The following GPR158 variants were observed in gnomAD, a reference collection of about 807,000 sequenced individuals.
GPR158 encodes metabotropic glycine receptor.
GPR158 carries 30 observed loss-of-function variants against 78.2 expected under a neutral mutation model. The ratio of observed to expected loss-of-function variants is 0.38; its 90% CI spans 0.29 to 0.52. The LOEUF is 0.52. Ranked by LOEUF, GPR158 falls within the 20% of genes least tolerant of loss-of-function variation. The pLI, the probability that GPR158 is intolerant of heterozygous loss-of-function variation, is 0.83. For missense variants in GPR158, 1,463 were observed against 1,523.5 expected, an observed-to-expected ratio of 0.96 and a Z score of 0.66; for synonymous variants, 581 against 591.1, an observed-to-expected ratio of 0.98 and a Z score of 0.25.
chr10:25,557,012 C>T (rs1020058202), intron 6 of GPR158, among the ~76,000 whole-genome samples: 6 of 152,156 alleles, frequency 3.9e-5, no homozygotes, highest in Admixed American at 3.3e-4. Context: ...ACATTTTTAT[C>T]ATTTTAAATT....
At chr10:25,187,126 G>T (rs963697731) in intron 1 of GPR158, among the ~76,000 whole-genome samples, 1 of 151,786 alleles carries the variant, frequency 6.6e-6, no homozygotes, top group African/African-American at 2.4e-5. Flanking sequence ...CATCACGCCC[G>T]GCTATTTTTT....
At chr10:25,354,208 A>T (rs1056911106) in intron 2 of GPR158, among the ~76,000 whole-genome samples, 1 of 151,954 alleles carries the variant, frequency 6.6e-6, no homozygotes, top group African/African-American at 2.4e-5. Context: ...ACAAAAAATT[A>T]GCCAGGCGTG....
chr10:25,231,294 G>A (rs1444818164), intron 2 of GPR158, among the ~76,000 whole-genome samples: 1 of 152,142 alleles, frequency 6.6e-6, no homozygotes, highest in African/African-American at 2.4e-5. Context: ...GCTGACCTTC[G>A]ATTGCAAATC....
Position 25,599,074 on chromosome 10 carries a change from A to C in GPR158, c.3448A>C (p.Asn1150His). The change falls in exon 11 of 11, where the codon AAT becomes CAT. Residue 1150 changes from asparagine (N) to histidine (H), a missense_variant. Coordinates refer to ENST00000376351, the MANE Select transcript of GPR158 (RefSeq NM_020752.3). ...AAAAAAGACATCTTCTTCTGAGGAG[A>C]ATGTGCGTGGCTCCTATAACTCAAG... is the stretch of plus-strand genomic sequence containing the variant. ...QEKKTSSSEENVRGSYNSSNN... is the reference protein window; with the variant it reads ...QEKKTSSSEEHVRGSYNSSNN... 1 of 1,613,626 alleles carries C rather than the reference A, an allele frequency of 6.2e-7. No individual in the cohort carries two copies. The highest frequency in any genetic ancestry group is 8.5e-7 in the Non-Finnish European group (1 of 1,179,950).
At chr10:25,380,754 C>T (rs767452956) in intron 2 of GPR158, among the ~76,000 whole-genome samples, 29 of 151,962 alleles carry the variant, frequency 1.9e-4, no homozygotes, top group Admixed American at 3.3e-4. Context: ...ATATAAGAAA[C>T]GGATTCAAGG....
chr10:25,554,208 T>C (rs1382839764), intron 6 of GPR158, among the ~76,000 whole-genome samples: 1 of 152,176 alleles, frequency 6.6e-6, no homozygotes, highest in Non-Finnish European at 1.5e-5. Flanking sequence ...CATGTCTTCA[T>C]TTTTATAGGA....
At chr10:25,324,831 C>CTTG (rs1855005765) in intron 2 of GPR158, among the ~76,000 whole-genome samples, 5 of 125,390 alleles carry the variant, frequency 4.0e-5, no homozygotes, top group Admixed American at 3.4e-4. Flanking sequence ...TTTTTTCTTT[C>CTTG]TTTTTTTTTT....
intron 2 of GPR158, among the ~76,000 whole-genome samples, chr10:25,239,907 A>C (rs952719391): frequency 2.6e-5 from 4 of 152,190 alleles, no homozygotes; most frequent in Non-Finnish European, 5.9e-5. Flanking sequence ...CATCTATTGA[A>C]TACCAACTCT....
chr10:25,424,373 A>T (rs1388154949), intron 4 of GPR158, among the ~76,000 whole-genome samples: 1 of 152,086 alleles, frequency 6.6e-6, no homozygotes, highest in Non-Finnish European at 1.5e-5. Flanking sequence ...GCTGTGCAGA[A>T]GCTCTTTAGT....
chr10:25,482,603 T>G (rs1371883465), intron 5 of GPR158, among the ~76,000 whole-genome samples: 2 of 152,110 alleles, frequency 1.3e-5, no homozygotes, highest in Non-Finnish European at 2.9e-5. Flanking sequence ...CAGCTATAAC[T>G]CAGTTCTTGG....
intron 5 of GPR158, among the ~76,000 whole-genome samples, chr10:25,538,224 G>GTTA: frequency 6.6e-6 from 1 of 152,046 alleles, no homozygotes; most frequent in South Asian, 2.1e-4. Flanking sequence ...CGTTGTTGTT[G>GTTA]TTGTTGTTGT....
At chr10:25,399,158 C>T (rs535415615) in intron 3 of GPR158, among the ~76,000 whole-genome samples, 3 of 152,204 alleles carry the variant, frequency 2.0e-5, no homozygotes, top group South Asian at 2.1e-4. Flanking sequence ...GAGTGTCGAG[C>T]GAAGGGGGAA....
chr10:25,223,957 A>G (rs911082462), intron 2 of GPR158, among the ~76,000 whole-genome samples: 3 of 152,212 alleles, frequency 2.0e-5, no homozygotes, highest in African/African-American at 7.2e-5. Flanking sequence ...CCTCTAGGGT[A>G]TGTACAACCA....
chr10:25,452,211 A>AAT (rs34673593), intron 4 of GPR158, among the ~76,000 whole-genome samples: 55,576 of 149,842 alleles, frequency 0.37, 16,543 homozygotes, highest in African/African-American at 0.8. Flanking sequence ...AAACCTTTTA[A>AAT]ATATATATAT....
chr10:25,303,139 T>A (rs1440808444), intron 2 of GPR158, among the ~76,000 whole-genome samples: 2 of 152,224 alleles, frequency 1.3e-5, no homozygotes, highest in Non-Finnish European at 2.9e-5. Flanking sequence ...GAATATTAAC[T>A]CTTGGCGTGT....
intron 2 of GPR158, among the ~76,000 whole-genome samples, chr10:25,298,711 T>C (rs1164785579): frequency 6.6e-6 from 1 of 152,196 alleles, no homozygotes; most frequent in African/African-American, 2.4e-5. Flanking sequence ...AGTTTGACTC[T>C]TTTTTATGTT....
intron 2 of GPR158, among the ~76,000 whole-genome samples, chr10:25,235,319 C>A (rs916918331): frequency 6.6e-6 from 1 of 152,134 alleles, no homozygotes; most frequent in East Asian, 1.9e-4. Context: ...CTTATTCTTA[C>A]TACATCTTAG....
At chr10:25,200,425 A>G (rs184271550) in intron 1 of GPR158, among the ~76,000 whole-genome samples, 22 of 152,284 alleles carry the variant, frequency 1.4e-4, no homozygotes, top group Admixed American at 1.2e-3. Flanking sequence ...GACCTTTGTC[A>G]GATACATAGT....
intron 2 of GPR158, among the ~76,000 whole-genome samples, chr10:25,231,216 T>C (rs2130695252): frequency 6.6e-6 from 1 of 152,308 alleles, no homozygotes; most frequent in South Asian, 2.1e-4. Flanking sequence ...CCTTAAGCAC[T>C]TTTAGGTTGT....
Sources: allele counts gnomAD v4.1 joint callset (sites outside exome capture counted in the v4.1 genomes callset), GRCh38; gene constraint gnomAD v4.1.1; transcripts MANE v1.5; gene names NCBI Gene and HGNC (gene_info 2026-07-23, HGNC 2026-07-21).